MAPK10: variants seen among roughly 807,000 people sequenced by gnomAD.
MAPK10 encodes mitogen-activated protein kinase 10, also known as JNK3 alpha protein kinase.
Under a neutral mutation model 59.3 loss-of-function variants are expected in MAPK10, and 25 were observed. That is an observed-to-expected ratio of 0.42 (90% CI 0.31 to 0.59). The LOEUF is 0.59. Among genes scored for constraint, MAPK10 ranks in the 20% least tolerant of loss-of-function variants. The pLI, the probability that MAPK10 is intolerant of heterozygous loss-of-function variation, is 0.15. For synonymous variants in MAPK10, 190 were observed against 200.5 expected (o/e 0.95, Z 0.44); for missense variants, 351 against 568.9 (o/e 0.62, Z 3.90).
At chr4:86,285,311 G>A (rs943355497) in intron 2 of MAPK10, among the ~76,000 whole-genome samples, 5 of 151,016 alleles carry the variant, frequency 3.3e-5, no homozygotes, top group African/African-American at 9.8e-5. Context: ...TCTGCCTCCC[G>A]GGTTCAAGCA....
chr4:86,135,716 G>C (rs987252274), intron 4 of MAPK10, among the ~76,000 whole-genome samples: 2 of 151,242 alleles, frequency 1.3e-5, no homozygotes, highest in Non-Finnish European at 2.9e-5. Flanking sequence ...AGAGAAGAAG[G>C]CTTCAGACGA....
intron 1 of MAPK10, among the ~76,000 whole-genome samples, chr4:86,552,957 G>A (rs954181205): frequency 2.6e-5 from 4 of 152,236 alleles, no homozygotes; most frequent in East Asian, 3.9e-4. Flanking sequence ...GTATGAACAC[G>A]AAGTTCATGC....
At chr4:86,340,330 T>C (rs1302281637) in intron 2 of MAPK10, 2 of 153,070 alleles carry the variant, frequency 1.3e-5, no homozygotes, top group African/African-American at 2.4e-5. Flanking sequence ...AGAGGTTTAA[T>C]TGACTCACAG....
rs555621480 is a variant in MAPK10 at position 86,399,465 on chromosome 4, T to C, written c.-121-44821A>G. On this transcript the variant is annotated intron_variant, in intron 1 of 13. Coordinates refer to the MAPK10 transcript ENST00000361569. Reference sequence around the variant, plus strand: ...TTTAGTAGGGTTATTTGTTTTTTGTTTGTCAAGTTCTTATAGATTCTGGAT... The same window carrying C: ...TTTAGTAGGGTTATTTGTTTTTTGTCTGTCAAGTTCTTATAGATTCTGGAT... Among the ~76,000 whole-genome samples, 4 of 152,318 alleles carry C rather than the reference T, an allele frequency of 2.6e-5. No individual in the cohort carries two copies. In the South Asian group the frequency reaches 8.3e-4, roughly 32 times the overall value.
intron 1 of MAPK10, among the ~76,000 whole-genome samples, chr4:86,498,876 T>G (rs1262234194): frequency 1.3e-5 from 2 of 152,176 alleles, no homozygotes; most frequent in Non-Finnish European, 2.9e-5. Flanking sequence ...AAAGTGGCAC[T>G]CAAAGAAAGT....
intron 11 of MAPK10, among the ~76,000 whole-genome samples, chr4:86,050,375 T>G (rs1187389564): frequency 6.6e-6 from 1 of 152,192 alleles, no homozygotes; most frequent in Admixed American, 6.6e-5. Context: ...ACTTGAAGCT[T>G]AACAAAAGTT....
chr4:86,507,629 T>G (rs1182781836), intron 1 of MAPK10, among the ~76,000 whole-genome samples: 25 of 51,628 alleles, frequency 4.8e-4, no homozygotes, highest in African/African-American at 8.2e-4. Context: ...TATATATATA[T>G]ATATATATAT....
chr4:86,537,412 G>A (rs1578036345), intron 1 of MAPK10, among the ~76,000 whole-genome samples: 1 of 152,100 alleles, frequency 6.6e-6, no homozygotes, highest in Non-Finnish European at 1.5e-5. Flanking sequence ...GAGAAAGAAC[G>A]GTGATATCCC....
chr4:86,285,655 G>A (rs549110674), intron 2 of MAPK10, among the ~76,000 whole-genome samples: 11 of 152,110 alleles, frequency 7.2e-5, no homozygotes, highest in South Asian at 2.1e-4. Flanking sequence ...TATAGTTACC[G>A]TATTAATCAG....
intron 1 of MAPK10, among the ~76,000 whole-genome samples, chr4:86,501,789 GT>G (rs1156816954): frequency 6.6e-6 from 1 of 151,958 alleles, no homozygotes; most frequent in Non-Finnish European, 1.5e-5. Flanking sequence ...AGAGAATGAA[GT>G]GATGACTATC....
chr4:86,166,927 T>C (rs975189550), intron 3 of MAPK10, among the ~76,000 whole-genome samples: 4 of 151,636 alleles, frequency 2.6e-5, no homozygotes, highest in East Asian at 3.9e-4. Context: ...CAAAAATCAA[T>C]GAATCCAGGA....
intron 1 of MAPK10, among the ~76,000 whole-genome samples, chr4:86,522,945 G>A (rs1265853229): frequency 6.6e-6 from 1 of 152,162 alleles, no homozygotes; most frequent in African/African-American, 2.4e-5. Context: ...ACCACACACA[G>A]AATTTGTTGC....
At chr4:86,135,331 G>A (rs2061788073) in intron 4 of MAPK10, among the ~76,000 whole-genome samples, 1 of 152,178 alleles carries the variant, frequency 6.6e-6, no homozygotes, top group East Asian at 1.9e-4. Context: ...GCATACAGCT[G>A]GAGATCTGAG....
chr4:86,063,274 G>T (rs1386466399), intron 11 of MAPK10, among the ~76,000 whole-genome samples: 1 of 152,160 alleles, frequency 6.6e-6, no homozygotes, highest in Non-Finnish European at 1.5e-5. Flanking sequence ...AAAACACATG[G>T]TGAAGCAGAG....
chr4:86,106,509 A>G (rs1030505408), intron 5 of MAPK10, among the ~76,000 whole-genome samples: 1 of 150,510 alleles, frequency 6.6e-6, no homozygotes, highest in Non-Finnish European at 1.5e-5. Flanking sequence ...TATTAAAATA[A>G]TGAATTATCT....
intron 11 of MAPK10, among the ~76,000 whole-genome samples, chr4:86,042,431 T>G (rs2041752360): frequency 6.6e-6 from 1 of 152,084 alleles, no homozygotes; most frequent in Admixed American, 6.5e-5. Flanking sequence ...ATGGCACATA[T>G]TTACCTATGT....
intron 1 of MAPK10, among the ~76,000 whole-genome samples, chr4:86,387,973 AT>A (rs1339967275): frequency 1.3e-5 from 2 of 149,226 alleles, no homozygotes; most frequent in Non-Finnish European, 3.0e-5. Flanking sequence ...TCCAGAAAAA[AT>A]AATATATAAT....
intron 2 of MAPK10, among the ~76,000 whole-genome samples, chr4:86,247,457 A>G (rs2093168763): frequency 1.3e-5 from 2 of 152,138 alleles, no homozygotes; most frequent in Admixed American, 1.3e-4. Context: ...TCTCCAGGAG[A>G]TTCATTAATT....
chr4:86,332,892 A>G (rs949837954), intron 2 of MAPK10, among the ~76,000 whole-genome samples: 4 of 152,200 alleles, frequency 2.6e-5, no homozygotes, highest in African/African-American at 9.6e-5. Context: ...TAGGTTTTGC[A>G]TCCAAATTTA....
Sources: allele counts gnomAD v4.1 joint callset (sites outside exome capture counted in the v4.1 genomes callset), GRCh38; gene constraint gnomAD v4.1.1; transcripts MANE v1.5; gene names NCBI Gene and HGNC (gene_info 2026-07-23, HGNC 2026-07-21).